The following ERICH5 variants were observed in gnomAD, a reference collection of about 807,000 sequenced individuals.
ERICH5 encodes the protein glutamate-rich protein 5.
A neutral mutation model predicts 28.0 loss-of-function variants in ERICH5; 24 were observed. That is an observed-to-expected ratio of 0.86 (90% CI 0.62 to 1.21). The LOEUF is 1.21. Ranked by LOEUF, ERICH5 falls within the 50% of genes most tolerant of loss-of-function variation. The pLI is 0.00. For missense variants in ERICH5, 421 were observed against 441.2 expected (o/e 0.95, Z 0.41); for synonymous variants, 163 against 157.6 (o/e 1.03, Z -0.25).
intron 2 of ERICH5, among the ~76,000 whole-genome samples, chr8:98,091,467 T>C (rs1465792387): frequency 7.2e-5 from 11 of 152,206 alleles, no homozygotes; most frequent in African/African-American, 1.2e-4. Context: ...AGGTAGTTTT[T>C]ACATCAGGAT....
At chr8:98,077,623 A>G (rs959932343) in intron 1 of ERICH5, among the ~76,000 whole-genome samples, 1 of 152,208 alleles carries the variant, frequency 6.6e-6, no homozygotes, top group African/African-American at 2.4e-5. Flanking sequence ...TAGCTCTTAA[A>G]GTTCAGCCTC....
chr8:98,080,844 A>T (rs1322542861), intron 1 of ERICH5, among the ~76,000 whole-genome samples: 1 of 151,910 alleles, frequency 6.6e-6, no homozygotes, highest in African/African-American at 2.4e-5. Context: ...CTGAGATTAC[A>T]GGCACTCGCC....
At chr8:98,075,478 A>G (rs1183619362) in intron 1 of ERICH5, among the ~76,000 whole-genome samples, 1 of 151,196 alleles carries the variant, frequency 6.6e-6, no homozygotes, top group Non-Finnish European at 1.5e-5. Flanking sequence ...GGAAAAGAAA[A>G]TCCCCCCTTT....
intron 1 of ERICH5, 93 bp from the exon 2 acceptor site, chr8:98,088,983 C>T (rs1815330116): frequency 2.1e-6 from 2 of 944,936 alleles, no homozygotes; most frequent in Non-Finnish European, 1.6e-6. Flanking sequence ...ACTGTTAAAT[C>T]TACTTTGTGA....
intron 1 of ERICH5, among the ~76,000 whole-genome samples, chr8:98,084,140 T>C (rs183817588): frequency 4.0e-5 from 6 of 151,804 alleles, no homozygotes; most frequent in Admixed American, 3.9e-4. Context: ...CCTCCTGCCT[T>C]AGCCTCCCAA....
intron 1 of ERICH5, among the ~76,000 whole-genome samples, chr8:98,075,635 T>C (rs756236620): frequency 6.6e-6 from 1 of 151,062 alleles, no homozygotes; most frequent in Admixed American, 6.6e-5. Context: ...CAGTGCTCTC[T>C]CTGGTGCCAG....
Position 98,089,948 on chromosome 8 carries a change from C to A in ERICH5, c.931C>A (p.Pro311Thr). 1 of 1,614,192 alleles carries A rather than the reference C, an allele frequency of 6.2e-7. No homozygotes were observed. Among genetic ancestry groups the A allele is most frequent in the Non-Finnish European group, 8.5e-7 (1 of 1,180,034 alleles). Residue 311 changes from proline (P) to threonine (T), a missense_variant, in exon 2 of 3, where the codon CCA (proline) becomes ACA (threonine). Transcript: ENST00000318528. ...PEGIVGSMEHPARNVEAGAYV... is the reference protein window; with the variant it reads ...PEGIVGSMEHTARNVEAGAYV... The stretch of plus-strand genomic sequence containing the variant: ...AGGAATAGTTGGAAGCATGGAGCAT[C>A]CAGCACGAAATGTAGAGGCAGGAGC...
intron 1 of ERICH5, among the ~76,000 whole-genome samples, chr8:98,067,824 G>A (rs1432358701): frequency 2.6e-5 from 4 of 151,674 alleles, no homozygotes; most frequent in Non-Finnish European, 4.4e-5. Context: ...CATGTTGGTC[G>A]AACTCCCGCC....
intron 1 of ERICH5, among the ~76,000 whole-genome samples, chr8:98,066,274 C>T (rs1814818523): frequency 6.6e-6 from 1 of 152,240 alleles, no homozygotes. Flanking sequence ...ATATGAAAAG[C>T]CGAGGGAAAA....
At chr8:98,087,593 G>A (rs1052410797) in intron 1 of ERICH5, among the ~76,000 whole-genome samples, 1 of 151,818 alleles carries the variant, frequency 6.6e-6, no homozygotes, top group Non-Finnish European at 1.5e-5. Flanking sequence ...CATCATTTGT[G>A]ATTTGTTTTC....
intron 2 of ERICH5, among the ~76,000 whole-genome samples, chr8:98,091,868 CTTTCTTTCTTTCTTTCTTTCTTTCTTTCT>C (rs1815396613): frequency 1.1e-5 from 1 of 89,776 alleles, no homozygotes; most frequent in African/African-American, 4.3e-5. Flanking sequence ...TTCTTTCTTT[CTTTCTTTCTTTCTTTCTTTCTTTCTTTCT>C]TTCCTTTCTT....
chr8:98,079,166 C>CTTTTTTTTTTTTTTTTTTTTTTTTTTTTT (rs528062932), intron 1 of ERICH5, among the ~76,000 whole-genome samples: 1 of 75,576 alleles, frequency 1.3e-5, no homozygotes, highest in African/African-American at 4.7e-5. Flanking sequence ...TTTTTTTTTC[C>CTTTTTTTTTTTTTTTTTTTTTTTTTTTTT]TTTTTTTTTT....
At chr8:98,067,982 T>C (rs989576817) in intron 1 of ERICH5, among the ~76,000 whole-genome samples, 1 of 152,018 alleles carries the variant, frequency 6.6e-6, no homozygotes, top group African/African-American at 2.4e-5. Context: ...AAATAAGATA[T>C]ATAGTATAAT....
intron 2 of ERICH5, among the ~76,000 whole-genome samples, chr8:98,090,540 AT>A (rs1160437441): frequency 6.6e-6 from 1 of 151,546 alleles, no homozygotes; most frequent in African/African-American, 2.4e-5. Flanking sequence ...AGGTGGGAGG[AT>A]AGCTTGAGCC....
chr8:98,070,251 G>A (rs1814887752), intron 1 of ERICH5, among the ~76,000 whole-genome samples: 1 of 152,140 alleles, frequency 6.6e-6, no homozygotes, highest in South Asian at 2.1e-4. Flanking sequence ...AGCTGAGTGT[G>A]GACGCTCGAG....
intron 1 of ERICH5, among the ~76,000 whole-genome samples, chr8:98,088,472 C>G (rs6998576): frequency 2.6e-5 from 4 of 152,152 alleles, no homozygotes; most frequent in East Asian, 3.9e-4. Context: ...ACTGTGCCCC[C>G]CAAATGACAT....
chr8:98,089,959 T>G lies in ERICH5; in HGVS notation c.942T>G (p.Asn314Lys). The change falls in exon 2 of 3, where the codon AAT becomes AAG. Residue 314 changes from asparagine to lysine, a missense_variant. Asn to Lys is a moderately conservative substitution (Grantham distance 94, BLOSUM62 0). Transcript: ENST00000318528. ...GAAGCATGGAGCATCCAGCACGAAA[T>G]GTAGAGGCAGGAGCATATGTGGAAA... Reference protein sequence around the residue: ...IVGSMEHPARNVEAGAYVEMI... With the variant: ...IVGSMEHPARKVEAGAYVEMI... The G allele has an allele frequency of 6.2e-7, 1 of 1,614,080 alleles. No individual in the cohort carries two copies. Among genetic ancestry groups the G allele is most frequent in the Non-Finnish European group, 8.5e-7 (1 of 1,180,018 alleles).
chr8:98,088,646 C>T (rs954239200), intron 1 of ERICH5, among the ~76,000 whole-genome samples: 1 of 152,146 alleles, frequency 6.6e-6, no homozygotes, highest in African/African-American at 2.4e-5. Context: ...CATCATGAAA[C>T]CTTCTAAGTT....
intron 1 of ERICH5, among the ~76,000 whole-genome samples, chr8:98,076,389 C>A (rs1815055466): frequency 9.4e-6 from 1 of 106,470 alleles, no homozygotes; most frequent in South Asian, 3.9e-4. Flanking sequence ...AATTAGAAGG[C>A]CTTTTTTTTT....
Sources: gnomAD v4.1 joint callset for allele counts (sites outside exome capture counted in the v4.1 genomes callset) on GRCh38, gnomAD v4.1.1 for gene constraint, MANE v1.5 for transcripts, NCBI Gene and HGNC (gene_info 2026-07-23, HGNC 2026-07-21) for gene names.